The following DPH7 variants were observed in gnomAD, a reference collection of about 807,000 sequenced individuals.
DPH7 encodes the protein diphthamide biosynthesis 7, also known as diphthine methyltransferase.
A neutral mutation model predicts 41.7 loss-of-function variants in DPH7; 44 were observed. That is an observed-to-expected ratio of 1.05 (90% CI 0.83 to 1.36). The LOEUF (loss-of-function observed/expected upper bound fraction) is 1.36. Among genes scored for constraint, DPH7 ranks in the 40% most tolerant of loss-of-function variants. DPH7 has a pLI of 0.00. For missense variants in DPH7, 629 were observed against 577.5 expected (o/e 1.09, Z -0.91); for synonymous variants, 275 against 238.0 (o/e 1.16, Z -1.43).
chr9:137,575,312 A>G, intron 3 of DPH7: 1 of 990,440 alleles, frequency 1.0e-6, no homozygotes, highest in Non-Finnish European at 1.2e-6. Context: ...GTTGCTCTTT[A>G]TGCAGATCTA....
chr9:137,574,746 C>T lies in DPH7; in HGVS notation c.467+6G>A. 1 of 1,613,762 alleles carries T rather than the reference C, an allele frequency of 6.2e-7. No individual in the cohort carries two copies. On this transcript the variant is annotated splice_donor_region_variant and intron_variant, in intron 4 of 8. Transcript: ENST00000277540. ...CTCAGGACCCCTGACCAAGCCTGGC[C>T]CTTACCTTCCAGTTTTCCCAGTGGA...
intron 8 of DPH7, among the ~76,000 whole-genome samples, chr9:137,557,374 C>T (rs948977508): frequency 6.6e-6 from 1 of 152,126 alleles, no homozygotes; most frequent in Non-Finnish European, 1.5e-5. Context: ...GGTGTGGTGG[C>T]ATGCACCTGT....
chr9:137,563,286 A>G (rs1407144133), intron 8 of DPH7, among the ~76,000 whole-genome samples: 1 of 152,148 alleles, frequency 6.6e-6, no homozygotes, highest in Non-Finnish European at 1.5e-5. Context: ...TAATCCTAAC[A>G]CTTCGGGAGG....
chr9:137,576,893 A>T (rs2133225247), intron 2 of DPH7, among the ~76,000 whole-genome samples: 1 of 151,992 alleles, frequency 6.6e-6, no homozygotes, highest in South Asian at 2.1e-4. Flanking sequence ...CCGTCTCAAA[A>T]AAAAAAAAAA....
At chr9:137,557,166 A>C (rs1028866875) in intron 8 of DPH7, among the ~76,000 whole-genome samples, 5 of 152,154 alleles carry the variant, frequency 3.3e-5, no homozygotes, top group African/African-American at 1.2e-4. Context: ...CCCTTCCCAG[A>C]GTGCTGTGAC....
rs1257199143 is a variant in DPH7, at chr9:137,555,527, A to G, written c.1071T>C (p.Pro357=). ...SLQRAPSWSF[P]SNLGTKTADL... is the part of the protein sequence containing the mutation. ...CTGCCGTCTTGGTTCCTAGGTTGCTAGGAAAGGACCACGAGGGGGCCCGCT... is the reference window on the plus strand; with the variant it reads ...CTGCCGTCTTGGTTCCTAGGTTGCTGGGAAAGGACCACGAGGGGGCCCGCT... The change falls in exon 9 of 9, where the codon CCT becomes CCC. Residue 357 remains proline (P), a synonymous_variant. Transcript: ENST00000277540. 3 of 1,613,932 alleles carry G rather than the reference A, an allele frequency of 1.9e-6. No homozygotes were observed. The highest frequency in any genetic ancestry group is 1.3e-5 in the African/African-American group (1 of 74,898).
At chr9:137,564,864 A>G (rs1296355938) in intron 7 of DPH7, 29 bp downstream of exon 7, 2 of 1,577,698 alleles carry the variant, frequency 1.3e-6, no homozygotes, top group Non-Finnish European at 1.7e-6. Flanking sequence ...AAGAGACGAG[A>G]AGGGCCCGAG....
chr9:137,555,440 C>G lies in DPH7; in HGVS notation c.1158G>C (p.Gly386=). Reference sequence around the variant, plus strand: ...CACTCTGGGGTCTGGCATGGCCCTCCCCATCGTTATCCTCTCTGCATTCAT... The same window carrying G: ...CACTCTGGGGTCTGGCATGGCCCTCGCCATCGTTATCCTCTCTGCATTCAT... The part of the protein sequence containing the change: ...PCHECREDND[G]EGHARPQSGM... The change falls in exon 9 of 9, where the codon GGG becomes GGC. Residue 386 remains glycine, a synonymous_variant. Coordinates refer to ENST00000277540, the MANE Select transcript of DPH7 (RefSeq NM_138778.5). The G allele has an allele frequency of 1.2e-6, 2 of 1,614,108 alleles. No homozygotes were observed. Among genetic ancestry groups the G allele is most frequent in the Non-Finnish European group, 1.7e-6 (2 of 1,179,994 alleles).
chr9:137,561,096 G>A (rs184593535), intron 8 of DPH7, among the ~76,000 whole-genome samples: 14 of 150,956 alleles, frequency 9.3e-5, no homozygotes, highest in African/African-American at 3.4e-4. Flanking sequence ...AGCACCAATT[G>A]TCTCTGAATT....
chr9:137,578,715 C>A lies in DPH7; in HGVS notation c.63G>T (p.Trp21Cys). 6.5e-7 allele frequency: 1 copy of A among 1,531,272 alleles called. No homozygotes were observed. The highest frequency in any genetic ancestry group is 1.2e-5 in the South Asian group (1 of 82,204). The allele number at this position is 1,531,272 out of a possible 1,614,324, so 94.9% of individuals were successfully genotyped here. A position where few individuals can be genotyped will look rare whatever the true frequency, so the allele number is the denominator to read the frequency against. The change falls in exon 1 of 9, where the codon TGG becomes TGT. Residue 21 changes from tryptophan to cysteine, a missense_variant. Transcript: ENST00000277540. ...DTELTADSVEWCPLQGCRHLL... is the reference protein window; with the variant it reads ...DTELTADSVECCPLQGCRHLL... The stretch of plus-strand genomic sequence containing the variant: ...GGTGCCTGCAGCCTTGCAGCGGGCA[C>A]CACTCCACCGAGTCCGCGGTCAGCT...
chr9:137,571,149 C>T (rs190639800), intron 5 of DPH7, among the ~76,000 whole-genome samples: 2 of 151,886 alleles, frequency 1.3e-5, no homozygotes, highest in Non-Finnish European at 2.9e-5. Flanking sequence ...CACAGCAAGA[C>T]GTGAACCACC....
chr9:137,578,271 TCTC>T (rs1588957184), intron 1 of DPH7: 1 of 153,388 alleles, frequency 6.5e-6, no homozygotes, highest in East Asian at 1.9e-4. Context: ...TTCACGCCAT[TCTC>T]CTGCCTCAGC....
At chr9:137,562,686 A>G (rs1304474602) in intron 8 of DPH7, among the ~76,000 whole-genome samples, 1 of 152,048 alleles carries the variant, frequency 6.6e-6, no homozygotes, top group Non-Finnish European at 1.5e-5. Flanking sequence ...GGATGGTTTG[A>G]GCCCAGGGGC....
intron 8 of DPH7, among the ~76,000 whole-genome samples, chr9:137,557,188 G>A (rs1047832362): frequency 6.6e-6 from 1 of 152,198 alleles, no homozygotes; most frequent in Non-Finnish European, 1.5e-5. Context: ...GCGAGTGTCA[G>A]CCACCGCACC....
chr9:137,578,867 G>C lies in DPH7; in HGVS notation c.-90C>G, dbSNP rs985481765. Reference sequence around the variant, plus strand: ...TGCGCGGGGCGGCGAGGCCGGGGCCGGCCGGACGAGCGCAGAGCCCCAGGG... The same window carrying C: ...TGCGCGGGGCGGCGAGGCCGGGGCCCGCCGGACGAGCGCAGAGCCCCAGGG... On this transcript the variant is annotated 5_prime_UTR_variant, in exon 1 of 9. Transcript: ENST00000277540. 1.2e-5 allele frequency: 15 copies of C among 1,282,762 alleles called. 1 individual carries two copies. The highest frequency in any genetic ancestry group is 1.5e-5 in the Non-Finnish European group (15 of 1,001,506). The allele number at this position is 1,282,762 out of a possible 1,614,324, so 79.5% of individuals were successfully genotyped here. A position where few individuals can be genotyped will look rare whatever the true frequency, so the allele number is the denominator to read the frequency against.
intron 1 of DPH7, chr9:137,578,034 T>C: frequency 2.0e-6 from 2 of 984,752 alleles, no homozygotes; most frequent in Non-Finnish European, 2.4e-6. Flanking sequence ...GATTTTAAAG[T>C]TGGCCGGGGG....
chr9:137,557,556 C>T (rs1440224162), intron 8 of DPH7, among the ~76,000 whole-genome samples: 2 of 151,346 alleles, frequency 1.3e-5, no homozygotes, highest in Admixed American at 6.6e-5. Context: ...CAGTGGCTCA[C>T]GCCTGTAATT....
rs139438692 is a variant in DPH7, at chr9:137,577,988, G to A, written c.154-385C>T. The A allele has an allele frequency of 3.8e-3, 3,745 of 985,090 alleles. 6 individuals are homozygous for A. Among genetic ancestry groups the A allele is most frequent in the Non-Finnish European group, 4.3e-3 (3,578 of 829,772 alleles). 61.0% of individuals were successfully genotyped at this position (985,090 alleles called of 1,614,324 possible). ...ACTGTACATTCCACCCATTCCCTTG[G>A]GCCACACCTGTATATAGAAGACGTT... is the stretch of plus-strand genomic sequence containing the variant. On this transcript the variant is annotated intron_variant, in intron 1 of 8. Coordinates refer to ENST00000277540, the MANE Select transcript of DPH7 (RefSeq NM_138778.5).
chr9:137,574,157 C>T lies in DPH7; in HGVS notation c.640+51G>A, dbSNP rs769924750. 34 of 1,580,956 alleles carry T rather than the reference C, an allele frequency of 2.2e-5. 1 individual carries two copies. In the South Asian group the frequency reaches 3.6e-4, roughly 17 times the overall value. ...CACAGGCCTCCCTCTCTCCCTCCGC[C>T]CCTTCCTCAGCAAGCCTTCCATCAG... is the stretch of plus-strand genomic sequence containing the variant. On this transcript the variant is annotated intron_variant, in intron 5 of 8. Coordinates refer to ENST00000277540, the MANE Select transcript of DPH7 (RefSeq NM_138778.5).
Sources: gnomAD v4.1 joint callset for allele counts (sites outside exome capture counted in the v4.1 genomes callset) on GRCh38, gnomAD v4.1.1 for gene constraint, MANE v1.5 for transcripts, NCBI Gene and HGNC (gene_info 2026-07-23, HGNC 2026-07-21) for gene names.